TLN2: variants seen among roughly 807,000 people sequenced by gnomAD.
TLN2 encodes talin 2, also known as talin-2.
A neutral mutation model predicts 294.7 loss-of-function variants in TLN2; 118 were observed. The ratio of observed to expected loss-of-function variants is 0.40; its 90% confidence interval spans 0.34 to 0.47. The LOEUF (loss-of-function observed/expected upper bound fraction) is 0.47. Ranked by LOEUF, TLN2 falls within the 20% of genes least tolerant of loss-of-function variation. TLN2 has a pLI of 0.84. For synonymous variants in TLN2, 1,431 were observed against 1,304.5 expected (o/e 1.10, Z -2.09); for missense variants, 3,083 against 3,282.2 (o/e 0.94, Z 1.48).
intron 2 of TLN2, among the ~76,000 whole-genome samples, chr15:62,607,005 C>T (rs916309149): frequency 3.3e-5 from 5 of 152,176 alleles, no homozygotes; most frequent in African/African-American, 1.2e-4. Flanking sequence ...TCACCACCAC[C>T]GCTGCCTGTA....
At chr15:62,475,193 T>C (rs766517651) in intron 1 of TLN2, among the ~76,000 whole-genome samples, 9 of 152,218 alleles carry the variant, frequency 5.9e-5, no homozygotes, top group African/African-American at 2.2e-4. Flanking sequence ...CTAAGAGATA[T>C]GGTAATTTAA....
intron 42 of TLN2, among the ~76,000 whole-genome samples, chr15:62,772,282 T>C (rs904041256): frequency 2.6e-5 from 4 of 152,160 alleles, no homozygotes; most frequent in South Asian, 2.1e-4. Flanking sequence ...CTATGTTCAA[T>C]TTTTTCATTC....
Position 62,771,139 on chromosome 15 carries a change from G to A in TLN2, c.5367+5G>A, listed in dbSNP as rs1464721813. ...GAAGGTGGCGGAAACCCCAAGGTATGGTCCAGGATATCGGGGACTCACTTA... is the reference window on the plus strand; with the variant it reads ...GAAGGTGGCGGAAACCCCAAGGTATAGTCCAGGATATCGGGGACTCACTTA... On this transcript the variant is annotated splice_donor_5th_base_variant and intron_variant, in intron 42 of 58. Transcript: ENST00000636159. 1.2e-6 allele frequency: 2 copies of A among 1,602,034 alleles called. No individual in the cohort carries two copies. The highest frequency in any genetic ancestry group is 2.2e-5 in the East Asian group (1 of 44,564).
chr15:62,570,979 CACTT>C (rs2043826759), intron 1 of TLN2, among the ~76,000 whole-genome samples: 1 of 151,520 alleles, frequency 6.6e-6, no homozygotes, highest in Non-Finnish European at 1.5e-5. Context: ...TTAACCTTCA[CACTT>C]ACTTAAGGAT....
chr15:62,752,598 C>T (rs1007978424), intron 35 of TLN2, among the ~76,000 whole-genome samples, 171 bp downstream of exon 35: 1 of 152,108 alleles, frequency 6.6e-6, no homozygotes, highest in African/African-American at 2.4e-5. Flanking sequence ...CAGTTACCCC[C>T]GAGGAGCAGA....
At chr15:62,694,698 A>G (rs1439328680) in intron 14 of TLN2, among the ~76,000 whole-genome samples, 1 of 152,206 alleles carries the variant, frequency 6.6e-6, no homozygotes, top group Non-Finnish European at 1.5e-5. Context: ...TGATCGAATC[A>G]TGATCATTGA....
Position 62,414,163 on chromosome 15 carries a change from A to AT in TLN2, c.-238+23478_-238+23479insT, listed in dbSNP as rs1555404130. Among the ~76,000 whole-genome samples the AT allele has an allele frequency of 1.2e-3, 46 of 37,368 alleles. 8 individuals carry two copies. Among genetic ancestry groups the AT allele is most frequent in the Admixed American group, 4.0e-3 (9 of 2,226 alleles). 24.5% of individuals were successfully genotyped at this position (37,368 alleles called of 152,430 possible). On this transcript the variant is annotated intron_variant, in intron 1 of 58. Coordinates refer to ENST00000636159, the MANE Select transcript of TLN2 (RefSeq NM_015059.3). ...CAGTGAAGTGTTAGCAAAAAAAAAA[A>AT]CTATATATATATATATATATATATA...
At chr15:62,666,703 C>T (rs926326512) in intron 9 of TLN2, among the ~76,000 whole-genome samples, 1 of 152,204 alleles carries the variant, frequency 6.6e-6, no homozygotes, top group Non-Finnish European at 1.5e-5. Context: ...CTCAGTGCTT[C>T]CCTCCACCTG....
At chr15:62,683,925 C>T (rs555512428) in intron 11 of TLN2, 1 of 152,420 alleles carries the variant, frequency 6.6e-6, no homozygotes, top group African/African-American at 2.4e-5. Context: ...AGGCAGGTCT[C>T]TGCACCGGGG....
At chr15:62,683,347 C>T (rs1474894315) in intron 11 of TLN2, among the ~76,000 whole-genome samples, 2 of 152,162 alleles carry the variant, frequency 1.3e-5, no homozygotes, top group African/African-American at 2.4e-5. Context: ...GGGCTGAACC[C>T]GTAGTTTTAG....
chr15:62,467,606 C>T (rs139700778), intron 1 of TLN2, among the ~76,000 whole-genome samples: 25 of 152,158 alleles, frequency 1.6e-4, no homozygotes, highest in East Asian at 7.7e-4. Context: ...GCAGGAGAAT[C>T]GCCAAGAGGT....
intron 1 of TLN2, among the ~76,000 whole-genome samples, chr15:62,582,983 A>G (rs2045272970): frequency 1.3e-5 from 2 of 152,176 alleles, no homozygotes; most frequent in Non-Finnish European, 2.9e-5. Context: ...TAGACACTTT[A>G]TCCCTGCTCT....
At position 62,820,586 on chromosome 15, in the gene TLN2, A is replaced by G. The variant is rs914518828; in HGVS notation, c.6978A>G (p.Gln2326=). 6.2e-7 allele frequency: 1 copy of G among 1,613,594 alleles called. No individual in the cohort carries two copies. Among genetic ancestry groups the G allele is most frequent in the Non-Finnish European group, 8.5e-7 (1 of 1,179,718 alleles). Residue 2326 remains glutamine (Q), a synonymous_variant, in exon 54 of 59, where the codon CAA becomes CAG. Transcript: ENST00000636159. ...SIEAAAKKLE[Q]LKPRAKPKQA... is the part of the protein sequence containing the mutation. ...AAGCTGCTGCTAAGAAGTTAGAGCA[A>G]CTGAAGCCAAGAGCAAAACCAAAAG...
intron 1 of TLN2, among the ~76,000 whole-genome samples, chr15:62,461,588 C>T (rs2036809036): frequency 6.6e-6 from 1 of 152,210 alleles, no homozygotes; most frequent in African/African-American, 2.4e-5. Context: ...TAAATAGTTA[C>T]TGAGCATCAC....
chr15:62,554,075 T>C (rs1047171425), intron 1 of TLN2, among the ~76,000 whole-genome samples: 1 of 152,030 alleles, frequency 6.6e-6, no homozygotes, highest in Non-Finnish European at 1.5e-5. Flanking sequence ...AGTTAATGAC[T>C]AGATGCAGTT....
intron 1 of TLN2, among the ~76,000 whole-genome samples, chr15:62,410,051 G>A (rs1402330713): frequency 6.6e-6 from 1 of 152,136 alleles, no homozygotes; most frequent in Non-Finnish European, 1.5e-5. Flanking sequence ...AGACCAGCCT[G>A]ACCAACATGG....
At chr15:62,817,678 A>G (rs978869328) in intron 52 of TLN2, among the ~76,000 whole-genome samples, 8 of 152,140 alleles carry the variant, frequency 5.3e-5, no homozygotes, top group Non-Finnish European at 8.8e-5. Flanking sequence ...CCATCTTTCC[A>G]GATTCCTGAG....
chr15:62,412,210 G>A (rs1373876551), intron 1 of TLN2, among the ~76,000 whole-genome samples: 1 of 152,170 alleles, frequency 6.6e-6, no homozygotes, highest in Non-Finnish European at 1.5e-5. Flanking sequence ...ATCAGATCCC[G>A]AGGTGAACTT....
At chr15:62,838,807 C>T in intron 57 of TLN2, 49 bp from the exon 58 acceptor site, 1 of 1,600,550 alleles carries the variant, frequency 6.2e-7, no homozygotes, top group Non-Finnish European at 8.5e-7. Context: ...CTTGCCAGGC[C>T]CAAATGGCTG....
Sources: allele counts gnomAD v4.1 joint callset (sites outside exome capture counted in the v4.1 genomes callset), GRCh38; gene constraint gnomAD v4.1.1; transcripts MANE v1.5; gene names NCBI Gene and HGNC (gene_info 2026-07-23, HGNC 2026-07-21).